EVA1A: variants seen among roughly 807,000 people sequenced by gnomAD.
EVA1A encodes protein eva-1 homolog A.
A neutral mutation model predicts 9.8 loss-of-function variants in EVA1A; 7 were observed. The ratio of observed to expected loss-of-function variants is 0.71; its 90% CI spans 0.41 to 1.34. The LOEUF is 1.34. Ranked by LOEUF, EVA1A falls within the 40% of genes most tolerant of loss-of-function variation. The probability of loss-of-function intolerance (pLI) is 0.01; values close to 1 mark genes in which losing one functional copy is unlikely to be tolerated. For missense variants in EVA1A, 206 were observed against 205.9 expected (o/e 1.00, Z 0.00); for synonymous variants, 90 against 85.6 (o/e 1.05, Z -0.28).
At chr2:75,514,289 G>C (rs1471631822) in intron 3 of EVA1A, among the ~76,000 whole-genome samples, 9 of 152,166 alleles carry the variant, frequency 5.9e-5, no homozygotes, top group African/African-American at 2.2e-4. Context: ...TGGATTAGGT[G>C]ATGCCCTAGA....
chr2:75,569,637 A>G (rs1053033855), exon 1 of EVA1A: 1 of 152,266 alleles, frequency 6.6e-6, no homozygotes, highest in African/African-American at 2.4e-5. Flanking sequence ...GTCAGCCGCT[A>G]CATATCTCTC....
chr2:75,553,905 A>C (rs1432986945), intron 1 of EVA1A, among the ~76,000 whole-genome samples: 6 of 152,188 alleles, frequency 3.9e-5, no homozygotes, highest in African/African-American at 1.4e-4. Context: ...TCATAGCGAC[A>C]TCTCAGTGCA....
chr2:75,549,010 T>TATATATA (rs1558691261), intron 1 of EVA1A, among the ~76,000 whole-genome samples: 3 of 56,910 alleles, frequency 5.3e-5, no homozygotes, highest in Admixed American at 2.2e-4. Context: ...ATATATATAT[T>TATATATA]TTTTTTTTTT....
intron 1 of EVA1A, among the ~76,000 whole-genome samples, chr2:75,539,550 G>A (rs1306062564): frequency 6.6e-6 from 1 of 152,162 alleles, no homozygotes; most frequent in African/African-American, 2.4e-5. Context: ...ATTTGCAGCA[G>A]AAGGAATTTA....
intron 3 of EVA1A, among the ~76,000 whole-genome samples, chr2:75,515,004 G>A (rs1329925188): frequency 6.6e-6 from 1 of 152,136 alleles, no homozygotes; most frequent in African/African-American, 2.4e-5. Context: ...TTTGAGAAAT[G>A]TATAAAATAA....
intron 3 of EVA1A, among the ~76,000 whole-genome samples, chr2:75,513,472 AT>A (rs1314687499): frequency 1.3e-5 from 2 of 151,688 alleles, no homozygotes; most frequent in African/African-American, 4.8e-5. Flanking sequence ...TGTATTCAAC[AT>A]TTTTTTTAGG....
intron 3 of EVA1A, among the ~76,000 whole-genome samples, chr2:75,515,658 T>C (rs1674976745): frequency 6.6e-6 from 1 of 152,192 alleles, no homozygotes; most frequent in African/African-American, 2.4e-5. Context: ...AGCAGTTTGG[T>C]CATTCAAACC....
chr2:75,493,337 G>C lies in EVA1A; in HGVS notation c.358C>G (p.Arg120Gly). ...NVFTSAEELE[R>G]AQRLEERERI... Reference sequence around the variant, plus strand: ...TCGCGCTCCTCCAGCCGCTGGGCGCGCTCCAGCTCCTCCGCAGAGGTGAAC... The same window carrying C: ...TCGCGCTCCTCCAGCCGCTGGGCGCCCTCCAGCTCCTCCGCAGAGGTGAAC... Residue 120 changes from arginine (R) to glycine (G), a missense_variant, in exon 4 of 4, where the codon CGC (arginine) becomes GGC (glycine). Arg to Gly is a moderately radical substitution (Grantham distance 125). Coordinates refer to ENST00000393913, the MANE Select transcript of EVA1A (RefSeq NM_001135032.2). 6.2e-7 allele frequency: 1 copy of C among 1,614,184 alleles called. No homozygotes were observed. Among genetic ancestry groups the C allele is most frequent in the East Asian group, 2.2e-5 (1 of 44,876 alleles).
intron 1 of EVA1A, chr2:75,524,272 C>T (rs1675339046): frequency 6.6e-6 from 1 of 152,050 alleles, no homozygotes; most frequent in Non-Finnish European, 1.5e-5. Context: ...CTGCTATGCA[C>T]TCTCCATACC....
At chr2:75,537,370 A>G (rs1483448967) in intron 1 of EVA1A, among the ~76,000 whole-genome samples, 1 of 152,210 alleles carries the variant, frequency 6.6e-6, no homozygotes, top group African/African-American at 2.4e-5. Flanking sequence ...CTTCATCATG[A>G]AATACTCAAT....
intron 1 of EVA1A, among the ~76,000 whole-genome samples, chr2:75,559,445 G>A (rs982803592): frequency 2.0e-5 from 3 of 152,156 alleles, no homozygotes; most frequent in African/African-American, 7.2e-5. Flanking sequence ...CCAGGGCCCG[G>A]GCTCTTAGCC....
intron 3 of EVA1A, among the ~76,000 whole-genome samples, chr2:75,516,370 C>T (rs939221861): frequency 6.6e-6 from 1 of 152,152 alleles, no homozygotes; most frequent in Non-Finnish European, 1.5e-5. Context: ...ACTGCTTTTC[C>T]ATTTCCTTGT....
upstream of EVA1A, among the ~76,000 whole-genome samples, chr2:75,562,054 T>TATGGAA (rs1311334430): frequency 1.1e-4 from 17 of 152,156 alleles, no homozygotes; most frequent in Admixed American, 1.1e-3. Context: ...ATGGAAGCTT[T>TATGGAA]ATGGAAATGA....
At chr2:75,566,457 C>T (rs575112096) in intron 1 of EVA1A, among the ~76,000 whole-genome samples, 1 of 152,174 alleles carries the variant, frequency 6.6e-6, no homozygotes, top group Admixed American at 6.5e-5. Context: ...TTTCATGGAA[C>T]TAAGACCTCT....
chr2:75,563,268 A>T (rs979272085), upstream of EVA1A, among the ~76,000 whole-genome samples: 5 of 152,236 alleles, frequency 3.3e-5, no homozygotes, highest in Non-Finnish European at 4.4e-5. Flanking sequence ...ACAGAAGTGC[A>T]TCCGTTGCTA....
chr2:75,536,814 C>G (rs1207053646), intron 1 of EVA1A, among the ~76,000 whole-genome samples: 1 of 151,826 alleles, frequency 6.6e-6, no homozygotes, highest in Non-Finnish European at 1.5e-5. Context: ...TAATTTTAAC[C>G]CCCCCGCTCC....
intron 3 of EVA1A, among the ~76,000 whole-genome samples, chr2:75,506,188 T>C (rs1392991982): frequency 2.6e-5 from 4 of 152,226 alleles, no homozygotes; most frequent in Admixed American, 1.3e-4. Flanking sequence ...TATGAGGAAA[T>C]ATTTTTGAAA....
intron 3 of EVA1A, among the ~76,000 whole-genome samples, chr2:75,513,280 C>G (rs565407012): frequency 6.6e-6 from 1 of 152,128 alleles, no homozygotes; most frequent in Non-Finnish European, 1.5e-5. Context: ...GGTAAAAGCA[C>G]CTAAAATCTA....
chr2:75,517,646 A>C (rs1279067756), intron 3 of EVA1A, among the ~76,000 whole-genome samples: 1 of 151,936 alleles, frequency 6.6e-6, no homozygotes, highest in Non-Finnish European at 1.5e-5. Flanking sequence ...AGAACATATA[A>C]ACATATACTC....
Sources: gnomAD v4.1 joint callset for allele counts (sites outside exome capture counted in the v4.1 genomes callset) on GRCh38, gnomAD v4.1.1 for gene constraint, MANE v1.5 for transcripts, NCBI Gene and HGNC (gene_info 2026-07-23, HGNC 2026-07-21) for gene names.